The following PZP variants were observed in gnomAD, a reference collection of about 807,000 sequenced individuals.
PZP encodes PZP alpha-2-macroglobulin like.
In PZP, 150 loss-of-function variants were observed where a neutral mutation model predicts 179.8. That is an observed-to-expected ratio of 0.83 (90% CI 0.73 to 0.96). PZP has a LOEUF of 0.96. PZP is among the 40% of genes least tolerant of loss of function. The pLI, the probability that PZP is intolerant of heterozygous loss-of-function variation, is 0.00. For synonymous variants in PZP, 624 were observed against 652.3 expected, an observed-to-expected ratio of 0.96 and a Z score of 0.66; for missense variants, 1,689 against 1,764.0, an observed-to-expected ratio of 0.96 and a Z score of 0.76.
At chr12:9,177,384 C>T (rs1468257688) in intron 15 of PZP, among the ~76,000 whole-genome samples, 1 of 152,190 alleles carries the variant, frequency 6.6e-6, no homozygotes, top group Non-Finnish European at 1.5e-5. Flanking sequence ...CAACCTCTGT[C>T]AAGCTGTCAG....
At chr12:9,199,322 C>T (rs1944017076) in intron 7 of PZP, among the ~76,000 whole-genome samples, 1 of 152,070 alleles carries the variant, frequency 6.6e-6, no homozygotes, top group African/African-American at 2.4e-5. Context: ...TTTAGTCCAT[C>T]GTATCAGCGC....
At chr12:9,201,473 CAG>C (rs1657384712) in intron 4 of PZP, 126 bp from the exon 5 acceptor site, 3 of 691,966 alleles carry the variant, frequency 4.3e-6, no homozygotes, top group Non-Finnish European at 4.9e-6. Flanking sequence ...AGAAACATAA[CAG>C]AACTGGAAAA....
intron 7 of PZP, among the ~76,000 whole-genome samples, chr12:9,197,394 A>G (rs1315454854): frequency 1.4e-5 from 2 of 141,936 alleles, no homozygotes; most frequent in African/African-American, 5.2e-5. Context: ...ATAATATTAT[A>G]ATTATTATAT....
chr12:9,196,699 C>T lies in PZP; in HGVS notation c.868-14G>A, dbSNP rs1231345539. On this transcript the variant is annotated splice_polypyrimidine_tract_variant and intron_variant, in intron 8 of 35. Coordinates refer to ENST00000261336, the MANE Select transcript of PZP (RefSeq NM_002864.3). ...ATTGCTGTTAAGCTGAGAAAAATACCAAAACCAATAAATGTCAAACTGATT... is the reference window on the plus strand; with the variant it reads ...ATTGCTGTTAAGCTGAGAAAAATACTAAAACCAATAAATGTCAAACTGATT... 1.3e-6 allele frequency: 2 copies of T among 1,550,486 alleles called. No individual in the cohort carries two copies. Among genetic ancestry groups the T allele is most frequent in the African/African-American group, 2.7e-5 (2 of 73,422 alleles).
At chr12:9,203,337 CTTTTTTTT>C (rs528084441) in intron 2 of PZP, among the ~76,000 whole-genome samples, 4 of 114,584 alleles carry the variant, frequency 3.5e-5, no homozygotes, top group Non-Finnish European at 5.3e-5. Flanking sequence ...AACTACATTC[CTTTTTTTT>C]TTTTTTTTTT....
intron 28 of PZP, among the ~76,000 whole-genome samples, chr12:9,155,424 A>T (rs1183951129): frequency 1.3e-5 from 2 of 152,148 alleles, no homozygotes; most frequent in Admixed American, 1.3e-4. Flanking sequence ...TGCTATAAGC[A>T]TGTTCTTTCC....
intron 15 of PZP, among the ~76,000 whole-genome samples, 200 bp downstream of exon 15, chr12:9,180,783 A>G (rs1481922948): frequency 6.6e-6 from 1 of 152,270 alleles, no homozygotes; most frequent in Admixed American, 6.5e-5. Context: ...TGGCAACAAA[A>G]GACAAAATTG....
At chr12:9,192,373 G>C in intron 12 of PZP, 117 bp from the exon 13 acceptor site, 1 of 1,286,008 alleles carries the variant, frequency 7.8e-7, no homozygotes, top group Non-Finnish European at 1.1e-6. Flanking sequence ...TCAACCTCAA[G>C]AAAACTCATG....
rs770828513 is a variant in PZP, at chr12:9,201,044, C to A, written c.518G>T (p.Arg173Leu). The A allele has an allele frequency of 1.2e-6, 2 of 1,613,842 alleles. No individual in the cohort carries two copies. Among genetic ancestry groups the A allele is most frequent in the Non-Finnish European group, 1.7e-6 (2 of 1,179,954 alleles). Residue 173 changes from arginine (R) to leucine (L), a missense_variant, in exon 6 of 36, where the codon CGA becomes CTA. Arg to Leu is a moderately radical substitution (Grantham distance 102). This residue lies in a region of PZP where 742 missense variants were observed against 730.5 expected (regional missense o/e 1.02). Transcript: ENST00000261336. ...LIYLENPRRN[R>L]IAQWQSLKLE... is the part of the protein sequence containing the mutation. ...CTTGAGACTCTGCCATTGTGCAATTCGATTTCTTCTTGGGTTCTGAAGGGA... is the reference window on the plus strand; with the variant it reads ...CTTGAGACTCTGCCATTGTGCAATTAGATTTCTTCTTGGGTTCTGAAGGGA...
In PZP at chr12:9,203,840, A is replaced by G. The variant is rs767589754; in HGVS notation, c.195T>C (p.Ser65=). 3 of 1,614,142 alleles carry G rather than the reference A, an allele frequency of 1.9e-6. No individual in the cohort carries two copies. The highest frequency in any genetic ancestry group is 2.2e-5 in the South Asian group (2 of 91,086). The change falls in exon 2 of 36, where the codon TCT becomes TCC. Residue 65 remains serine (S), a synonymous_variant. Transcript: ENST00000261336. ...TGAAGAGGCTCCTGTTTTCCCTGCC[A>G]GACTCCAAGGAAGCACTTACAGTCA... ...ETVTVSASLE[S]GRENRSLFTD...
intron 28 of PZP, among the ~76,000 whole-genome samples, chr12:9,156,616 A>G (rs1042179369): frequency 1.3e-5 from 2 of 152,186 alleles, no homozygotes; most frequent in African/African-American, 2.4e-5. Context: ...TTTGTCTATT[A>G]TATTGGTTTT....
At chr12:9,167,698 C>T (rs2120783309) in intron 17 of PZP, among the ~76,000 whole-genome samples, 1 of 152,288 alleles carries the variant, frequency 6.6e-6, no homozygotes, top group Non-Finnish European at 1.5e-5. Flanking sequence ...CTACTAATTT[C>T]AATCCCTGTT....
chr12:9,150,709 A>G lies in PZP; in HGVS notation c.4319T>C (p.Leu1440Pro), dbSNP rs1197156492. 1 of 1,613,134 alleles carries G rather than the reference A, an allele frequency of 6.2e-7. No individual in the cohort carries two copies. ...NQTLSFSFMV[L>P]QDIPVGDLKP... is the part of the protein sequence containing the mutation. ...CAAGTCTCCTACTGGGATGTCTTGCAGAACCATGAAGGAAAAACTTAGCGT... is the reference window on the plus strand; with the variant it reads ...CAAGTCTCCTACTGGGATGTCTTGCGGAACCATGAAGGAAAAACTTAGCGT... The change falls in exon 34 of 36, where the codon CTG becomes CCG. Residue 1440 changes from leucine to proline, a missense_variant. By Grantham distance (98) the Leu-to-Pro change is moderately conservative. Coordinates refer to ENST00000261336, the MANE Select transcript of PZP (RefSeq NM_002864.3).
chr12:9,153,382 T>C (rs1205530557), intron 29 of PZP, 39 bp from the exon 30 acceptor site: 2 of 1,558,044 alleles, frequency 1.3e-6, no homozygotes, highest in East Asian at 2.3e-5. Flanking sequence ...AAAGAGTAAA[T>C]TTTTGGCATC....
intron 11 of PZP, 34 bp from the exon 12 acceptor site, chr12:9,192,773 T>C: frequency 7.0e-7 from 1 of 1,432,206 alleles, no homozygotes. Flanking sequence ...AAGAATACTG[T>C]CTTGAAATTC....
At chr12:9,182,506 T>G (rs771752244) in intron 13 of PZP, among the ~76,000 whole-genome samples, 9 of 152,338 alleles carry the variant, frequency 5.9e-5, no homozygotes, top group African/African-American at 2.2e-4. Flanking sequence ...TAAGATATAA[T>G]AAGTTTATTT....
At position 9,149,567 on chromosome 12, in the gene PZP, T is replaced by C. The variant is rs1192982649; in HGVS notation, c.4420A>G (p.Ser1474Gly). 6.2e-7 allele frequency: 1 copy of C among 1,613,114 alleles called. No individual in the cohort carries two copies. Among genetic ancestry groups the C allele is most frequent in the Non-Finnish European group, 8.5e-7 (1 of 1,179,410 alleles). ...SVVAEYIAPC[S>G]TDTEHGNV ...ATAAGTGGTGAACTCTTACCTGTGC[T>C]GCAGGGGGCGATATACTCAGCAACC... Residue 1474 changes from serine (S) to glycine (G), a missense_variant, in exon 35 of 36, where the codon AGC becomes GGC. Ser to Gly is a moderately conservative substitution (Grantham distance 56). Around this residue, in one of 3 missense-constraint regions of PZP, gnomAD observed 746 missense variants for 749.2 expected, o/e 1.00. Coordinates refer to ENST00000261336, the MANE Select transcript of PZP (RefSeq NM_002864.3).
chr12:9,147,330 A>G (rs1940062001), downstream of PZP, among the ~76,000 whole-genome samples: 1 of 152,138 alleles, frequency 6.6e-6, no homozygotes, highest in Non-Finnish European at 1.5e-5. Flanking sequence ...TCTGGGGAGA[A>G]CCCTCAGAAA....
At chr12:9,157,926 T>G in intron 26 of PZP, 85 bp from the exon 27 acceptor site, 1 of 1,098,350 alleles carries the variant, frequency 9.1e-7, no homozygotes, top group Non-Finnish European at 1.4e-6. Context: ...CGCTCCTCAG[T>G]ATCTGTTTCC....
Sources: gnomAD v4.1 joint callset for allele counts (sites outside exome capture counted in the v4.1 genomes callset) on GRCh38, gnomAD v4.1.1 for gene constraint, gnomAD v4.1.1 regional missense constraint, MANE v1.5 for transcripts, NCBI Gene and HGNC (gene_info 2026-07-23, HGNC 2026-07-21) for gene names.